APP: variants seen among roughly 807,000 people sequenced by gnomAD.
The protein encoded by APP is amyloid-beta precursor protein.
APP carries 31 observed loss-of-function variants against 101.4 expected under a neutral mutation model. That is an observed-to-expected ratio of 0.31 (90% CI 0.23 to 0.41). APP has a LOEUF of 0.41. Ranked by LOEUF, APP falls within the 10% of genes least tolerant of loss-of-function variation. The pLI, the probability that APP is intolerant of heterozygous loss-of-function variation, is 1.00. For synonymous variants in APP, 366 were observed against 364.4 expected, an observed-to-expected ratio of 1.00 and a Z score of -0.05; for missense variants, 839 against 1,003.7, an observed-to-expected ratio of 0.84 and a Z score of 2.22.
intron 2 of APP, among the ~76,000 whole-genome samples, chr21:26,097,567 G>T (rs1445521790): frequency 0.14 from 2 of 14 alleles, no homozygotes; most frequent in African/African-American, 0.5. Context: ...AAGTAGATAT[G>T]GACAGCTTAT....
In APP at chr21:26,054,849, T is replaced by C. The variant is rs933768841; in HGVS notation, c.356-1501A>G. Among the ~76,000 whole-genome samples the C allele has an allele frequency of 1.3e-5, 2 of 152,038 alleles. 1 individual carries two copies. The highest frequency in any genetic ancestry group is 4.1e-4 in the South Asian group (2 of 4,820). ...AATGTCTTTCTTTCATAGTACGCTA[T>C]AGGGCATTTTCTGAAATGCAACATA... On this transcript the variant is annotated intron_variant, in intron 3 of 17. Transcript: ENST00000346798.
intron 1 of APP, among the ~76,000 whole-genome samples, chr21:26,153,455 C>CTTG (rs3084288): frequency 0.34 from 51,478 of 151,246 alleles, 9,070 homozygotes; most frequent in African/African-American, 0.45. Context: ...ACCCCTGTAC[C>CTTG]TTGTTGTTGT....
At chr21:26,127,887 A>G (rs1035696323) in intron 1 of APP, among the ~76,000 whole-genome samples, 2 of 152,206 alleles carry the variant, frequency 1.3e-5, no homozygotes, top group African/African-American at 2.4e-5. Flanking sequence ...AAGAAAAGAA[A>G]ACTAAAATGA....
intron 1 of APP, among the ~76,000 whole-genome samples, chr21:26,146,377 C>T (rs1330011563): frequency 6.6e-6 from 1 of 152,202 alleles, no homozygotes; most frequent in Admixed American, 6.5e-5. Flanking sequence ...TTAGTCTTTG[C>T]CCATCAGGGT....
At chr21:25,910,172 G>C (rs1193811038) in intron 14 of APP, among the ~76,000 whole-genome samples, 3 of 142,760 alleles carry the variant, frequency 2.1e-5, no homozygotes, top group Admixed American at 7.3e-5. Context: ...TGTCACCCAG[G>C]CTGGAGTGCA....
At chr21:25,977,307 T>C (rs181032172) in intron 9 of APP, among the ~76,000 whole-genome samples, 2 of 152,326 alleles carry the variant, frequency 1.3e-5, no homozygotes, top group African/African-American at 4.8e-5. Flanking sequence ...GAAGTGCAAC[T>C]CTGAACTAGG....
At chr21:25,897,841 T>G (rs2038181468) in intron 15 of APP, 168 bp from the exon 16 acceptor site, 4 of 631,358 alleles carry the variant, frequency 6.3e-6, no homozygotes, top group South Asian at 5.7e-5. Flanking sequence ...AAAACTTCAA[T>G]TACTACCTAT....
In APP at chr21:26,074,691, CA is replaced by C. The variant is rs541761818; in HGVS notation, c.355+15251del. ...GCTTGAACCCGGGAGGCGGAGGTTGCAGTGAGCAGAGATTGCGTCACTGCAC... is the reference window on the plus strand; with the variant it reads ...GCTTGAACCCGGGAGGCGGAGGTTGCGTGAGCAGAGATTGCGTCACTGCAC... On this transcript the variant is annotated intron_variant, in intron 3 of 17. Coordinates refer to ENST00000346798, the MANE Select transcript of APP (RefSeq NM_000484.4). Among the ~76,000 whole-genome samples, 905 of 151,854 alleles carry C rather than the reference CA, an allele frequency of 6.0e-3. 6 individuals are homozygous for C. The highest frequency in any genetic ancestry group is 0.01 in the Non-Finnish European group (697 of 67,986).
At chr21:26,139,235 C>CA (rs1299691193) in intron 1 of APP, among the ~76,000 whole-genome samples, 1 of 152,144 alleles carries the variant, frequency 6.6e-6, no homozygotes. Flanking sequence ...ACAGAAGAGT[C>CA]AAAGAATCAA....
chr21:25,907,727 G>A (rs1409973125), intron 14 of APP, among the ~76,000 whole-genome samples: 3 of 152,136 alleles, frequency 2.0e-5, no homozygotes, highest in African/African-American at 2.4e-5. Context: ...ACTATTAACC[G>A]TGCTGCCTTG....
In APP at chr21:25,994,162, T is replaced by C. The variant is rs117219482; in HGVS notation, c.1090+3198A>G. ...AATGGTCACACTCTCATATTTAAAA[T>C]ATAAATGAATCCACAAATATTTATA... On this transcript the variant is annotated intron_variant, in intron 8 of 17. Transcript: ENST00000346798. Among the ~76,000 whole-genome samples the C allele has an allele frequency of 1.1e-3, 161 of 152,334 alleles. 1 individual carries two copies. Among genetic ancestry groups the C allele is most frequent in the Admixed American group, 1.4e-3 (22 of 15,302 alleles).
intron 17 of APP, among the ~76,000 whole-genome samples, chr21:25,882,363 T>C (rs969554335): frequency 2.0e-5 from 3 of 149,212 alleles, no homozygotes; most frequent in Admixed American, 6.8e-5. Flanking sequence ...GGGGCTATTA[T>C]TTGGCACAAG....
At chr21:25,939,016 C>G (rs1489824407) in intron 13 of APP, among the ~76,000 whole-genome samples, 1 of 152,092 alleles carries the variant, frequency 6.6e-6, no homozygotes, top group Non-Finnish European at 1.5e-5. Context: ...ATTTTTGCAC[C>G]CCAGGTATTT....
Position 26,021,951 on chromosome 21 carries a change from C to T in APP, c.754G>A (p.Asp252Asn). The change falls in exon 6 of 18, where the codon GAT (aspartate) becomes AAT (asparagine). Residue 252 changes from aspartate to asparagine, a missense_variant. Transcript: ENST00000346798. ...ADDDEDDEDG[D>N]EVEEEAEEPY... ...TCCTCAGCCTCTTCCTCTACCTCAT[C>T]ACCATCCTCATCGTCCTCGTCATCA... 1 of 1,613,736 alleles carries T rather than the reference C, an allele frequency of 6.2e-7. No individual in the cohort carries two copies. Among genetic ancestry groups the T allele is most frequent in the South Asian group, 1.1e-5 (1 of 91,076 alleles).
intron 5 of APP, among the ~76,000 whole-genome samples, chr21:26,038,421 T>C (rs2045220712): frequency 6.6e-6 from 1 of 152,144 alleles, no homozygotes; most frequent in Non-Finnish European, 1.5e-5. Flanking sequence ...AGGAGAGTCT[T>C]TGTATTCGAC....
intron 2 of APP, among the ~76,000 whole-genome samples, chr21:26,110,271 T>C (rs1320107391): frequency 6.6e-6 from 1 of 152,060 alleles, no homozygotes; most frequent in Non-Finnish European, 1.5e-5. Flanking sequence ...GGTGAAACCC[T>C]GTCTCTACTA....
At chr21:26,138,694 GAAAACAAAACAAAACAAAAC>G (rs151222318) in intron 1 of APP, among the ~76,000 whole-genome samples, 3 of 150,164 alleles carry the variant, frequency 2.0e-5, no homozygotes, top group African/African-American at 7.4e-5. Flanking sequence ...GCCTGTCTCA[GAAAACAAAACAAAACAAAAC>G]AAAACAAAAC....
At position 25,916,583 on chromosome 21, in the gene APP, T is replaced by C. The variant is rs187585937; in HGVS notation, c.1688-4621A>G. 1.3e-3 allele frequency among the ~76,000 whole-genome samples: 200 copies of C among 152,322 alleles called. 1 individual carries two copies. Among genetic ancestry groups the C allele is most frequent in the African/African-American group, 4.3e-3 (180 of 41,580 alleles). On this transcript the variant is annotated intron_variant, in intron 13 of 17. Transcript: ENST00000346798. Reference sequence around the variant, plus strand: ...ACACCGAAACCACACTTCCACTACATTAGTGGCCCTGATGGATTATCCTTT... The same window carrying C: ...ACACCGAAACCACACTTCCACTACACTAGTGGCCCTGATGGATTATCCTTT...
intron 2 of APP, among the ~76,000 whole-genome samples, chr21:26,109,822 C>A (rs2062270851): frequency 6.6e-6 from 1 of 152,094 alleles, no homozygotes; most frequent in Admixed American, 6.5e-5. Flanking sequence ...ACACATGTAT[C>A]AAAATAGTCG....
Sources: allele counts gnomAD v4.1 joint callset (sites outside exome capture counted in the v4.1 genomes callset), GRCh38; gene constraint gnomAD v4.1.1; transcripts MANE v1.5; gene names NCBI Gene and HGNC (gene_info 2026-07-23, HGNC 2026-07-21).